NUP214: variants seen among roughly 807,000 people sequenced by gnomAD.
The protein encoded by NUP214 is nuclear pore complex protein Nup214.
Under a neutral mutation model 196.2 loss-of-function variants are expected in NUP214, and 79 were observed. The observed-to-expected ratio is 0.40, with a 90% confidence interval of 0.34 to 0.49. NUP214 has a LOEUF of 0.49. NUP214 is among the 20% of genes least tolerant of loss of function. The pLI, the probability that NUP214 is intolerant of heterozygous loss-of-function variation, is 0.58. For missense variants in NUP214, 2,468 were observed against 2,539.0 expected (o/e 0.97, Z 0.60); for synonymous variants, 1,020 against 990.5 (o/e 1.03, Z -0.56).
chr9:131,131,498 C>A (rs772162719), intron 5 of NUP214, among the ~76,000 whole-genome samples: 1 of 152,024 alleles, frequency 6.6e-6, no homozygotes, highest in Admixed American at 6.6e-5. Context: ...TGTTCTCTGG[C>A]GAGGAGGGGA....
In NUP214 at chr9:131,198,901, G is replaced by A. The variant is rs139339892; in HGVS notation, c.5407G>A (p.Ala1803Thr). ...TGGGLFGQSNAPAFGQSPGFG... is the reference protein window; with the variant it reads ...TGGGLFGQSNTPAFGQSPGFG... ...AGGGGGGCTGTTTGGCCAAAGCAAC[G>A]CTCCTGCTTTTGGGCAGAGTCCTGG... The change falls in exon 29 of 36, where the codon GCT becomes ACT. Residue 1803 changes from alanine to threonine, a missense_variant. This residue lies in a region of NUP214 where 1,801 missense variants were observed against 1,779.4 expected (regional missense o/e 1.01). Transcript: ENST00000359428. The A allele has an allele frequency of 4.1e-4, 669 of 1,614,168 alleles. 1 individual carries two copies. The highest frequency in any genetic ancestry group is 5.0e-4 in the Admixed American group (30 of 60,026).
chr9:131,179,172 T>A (rs1833198100), intron 24 of NUP214, among the ~76,000 whole-genome samples: 1 of 152,054 alleles, frequency 6.6e-6, no homozygotes, highest in Non-Finnish European at 1.5e-5. Flanking sequence ...GCTAATTTTT[T>A]AATTTTTTGT....
At chr9:131,129,934 C>G (rs1223190695) in intron 4 of NUP214, among the ~76,000 whole-genome samples, 2 of 151,776 alleles carry the variant, frequency 1.3e-5, no homozygotes, top group Non-Finnish European at 2.9e-5. Flanking sequence ...AGTTAATGTC[C>G]TTGAAGCCAA....
At chr9:131,141,298 CCTT>C (rs964610694) in intron 11 of NUP214, among the ~76,000 whole-genome samples, 4 of 151,784 alleles carry the variant, frequency 2.6e-5, no homozygotes, top group African/African-American at 9.7e-5. Context: ...CTTTTTTTCT[CCTT>C]TTTGAAACAT....
At chr9:131,139,440 GTCT>G in intron 10 of NUP214, 33 bp downstream of exon 10, 1 of 1,596,504 alleles carries the variant, frequency 6.3e-7, no homozygotes, top group African/African-American at 1.4e-5. Context: ...TGCAGAAATA[GTCT>G]TCTTTCTAGT....
intron 4 of NUP214, 114 bp downstream of exon 4, chr9:131,129,591 C>A: frequency 2.0e-6 from 2 of 1,011,138 alleles, no homozygotes; most frequent in South Asian, 1.5e-5. Flanking sequence ...TTTTTCATGA[C>A]GAGGGAGGTT....
In NUP214 at chr9:131,189,116, G is replaced by A. The variant is rs746011677; in HGVS notation, c.3559G>A (p.Gly1187Ser). Residue 1187 changes from glycine (G) to serine (S), a missense_variant, in exon 26 of 36, where the codon GGT becomes AGT. Gly to Ser is a moderately conservative substitution (Grantham distance 56). This residue lies in a region of NUP214 where 1,801 missense variants were observed against 1,779.4 expected (regional missense o/e 1.01). Coordinates refer to ENST00000359428, the MANE Select transcript of NUP214 (RefSeq NM_005085.4). ...PTPASGQLSS[G>S]DKASGTAKIE... ...ACCAGCATCCGGTCAGTTATCATCT[G>A]GTGACAAAGCTTCAGGTCAGTTTGC... 1 of 1,613,950 alleles carries A rather than the reference G, an allele frequency of 6.2e-7. No homozygotes were observed. The highest frequency in any genetic ancestry group is 1.1e-5 in the South Asian group (1 of 91,076).
At position 131,204,444 on chromosome 9, in the gene NUP214, C is replaced by T. The variant is rs1054967326; in HGVS notation, c.5592+2727C>T. Among the ~76,000 whole-genome samples the T allele has an allele frequency of 2.6e-5, 4 of 152,140 alleles. No homozygotes were observed. In the East Asian group the frequency reaches 7.7e-4, roughly 29 times the overall value. On this transcript the variant is annotated intron_variant, in intron 30 of 35. Coordinates refer to ENST00000359428, the MANE Select transcript of NUP214 (RefSeq NM_005085.4). ...TAGTCAGCGTTTCCAGCTTTGAGGGCTATCGATAGCCTCTGTCAGAAGCAC... is the reference window on the plus strand; with the variant it reads ...TAGTCAGCGTTTCCAGCTTTGAGGGTTATCGATAGCCTCTGTCAGAAGCAC...
At chr9:131,209,279 G>A (rs1390629548) in intron 30 of NUP214, among the ~76,000 whole-genome samples, 2 of 152,186 alleles carry the variant, frequency 1.3e-5, no homozygotes, top group Non-Finnish European at 2.9e-5. Context: ...TAAGGAGGCT[G>A]AGGTGGGAGG....
chr9:131,233,391 A>G, intron 35 of NUP214, 63 bp from the exon 36 acceptor site: 3 of 1,492,910 alleles, frequency 2.0e-6, no homozygotes, highest in Non-Finnish European at 1.8e-6. Flanking sequence ...GCAGAGCAGC[A>G]GAGCCTGTGA....
At chr9:131,143,148 A>ACT (rs1268728108) in intron 11 of NUP214, among the ~76,000 whole-genome samples, 1 of 152,068 alleles carries the variant, frequency 6.6e-6, no homozygotes, top group African/African-American at 2.4e-5. Context: ...CTGGGACTAC[A>ACT]GGCACAAGCC....
In NUP214 at chr9:131,178,299, T is replaced by C. The variant is rs201014110; in HGVS notation, c.3320-12T>C. On this transcript the variant is annotated splice_polypyrimidine_tract_variant and intron_variant, in intron 23 of 35. Coordinates refer to ENST00000359428, the MANE Select transcript of NUP214 (RefSeq NM_005085.4). ...AATTAATATGGTGTTCTCTCTTCTC[T>C]GTTTAAATTAGCTGTAAACACTTTG... is the stretch of plus-strand genomic sequence containing the variant. 45 of 1,595,250 alleles carry C rather than the reference T, an allele frequency of 2.8e-5. 1 individual carries two copies. The highest frequency in any genetic ancestry group is 2.5e-4 in the African/African-American group (19 of 74,680).
chr9:131,223,499 T>C (rs954404827), intron 32 of NUP214, among the ~76,000 whole-genome samples: 2 of 151,702 alleles, frequency 1.3e-5, no homozygotes, highest in Non-Finnish European at 2.9e-5. Context: ...AGATTCTTCT[T>C]GGGGAGAAAA....
intron 21 of NUP214, among the ~76,000 whole-genome samples, chr9:131,164,888 T>C (rs1431235685): frequency 6.6e-6 from 1 of 152,234 alleles, no homozygotes; most frequent in African/African-American, 2.4e-5. Flanking sequence ...AGTATCCATA[T>C]CCAAATTTTT....
intron 24 of NUP214, among the ~76,000 whole-genome samples, chr9:131,181,203 A>G (rs1053710024): frequency 4.6e-5 from 7 of 152,142 alleles, no homozygotes; most frequent in African/African-American, 1.7e-4. Flanking sequence ...CTCCAAGCAC[A>G]GGGCCTGTAG....
rs35979160 is a variant in NUP214, at chr9:131,174,201, C to T, written c.3040C>T (p.Arg1014Trp). 321 of 1,613,944 alleles carry T rather than the reference C, an allele frequency of 2.0e-4. No individual in the cohort carries two copies. The African/African-American group carries it at 3.7e-3, about 19-fold the overall frequency. Residue 1014 changes from arginine to tryptophan, a missense_variant, in exon 22 of 36, where the codon CGG (arginine) becomes TGG (tryptophan). By Grantham distance (101) the Arg-to-Trp change is moderately radical (BLOSUM62 -3). Transcript: ENST00000359428. ...KDDEAVVQAP[R>W]HAPVVRTPSI... The stretch of plus-strand genomic sequence containing the variant: ...TGACGAGGCAGTGGTTCAGGCCCCT[C>T]GGCACGCCCCCGTGGTTCGCACTCC...
chr9:131,213,699 C>A (rs1449891621), intron 30 of NUP214, among the ~76,000 whole-genome samples: 1 of 151,626 alleles, frequency 6.6e-6, no homozygotes, highest in Non-Finnish European at 1.5e-5. Context: ...GAATTGGATT[C>A]CTAGTTTTTA....
At chr9:131,167,594 A>G (rs1832822207) in intron 21 of NUP214, 1 of 152,196 alleles carries the variant, frequency 6.6e-6, no homozygotes, top group Admixed American at 6.5e-5. Flanking sequence ...TCATCAGTAA[A>G]TGAGTGTTAC....
At chr9:131,177,521 G>T (rs1481287173) in intron 23 of NUP214, among the ~76,000 whole-genome samples, 1 of 151,922 alleles carries the variant, frequency 6.6e-6, no homozygotes, top group Non-Finnish European at 1.5e-5. Flanking sequence ...TATGAAAGAT[G>T]TGCAGTCGTG....
Sources: gnomAD v4.1 joint callset for allele counts (sites outside exome capture counted in the v4.1 genomes callset) on GRCh38, gnomAD v4.1.1 for gene constraint, gnomAD v4.1.1 regional missense constraint, MANE v1.5 for transcripts, NCBI Gene and HGNC (gene_info 2026-07-23, HGNC 2026-07-21) for gene names.